PCDHA8: variants seen among roughly 807,000 people sequenced by gnomAD.
The protein encoded by PCDHA8 is protocadherin alpha-8.
In PCDHA8, 53 loss-of-function variants were observed where a neutral mutation model predicts 61.8. The observed-to-expected ratio is 0.86, with a 90% confidence interval of 0.69 to 1.08. The LOEUF is 1.08. Ranked by LOEUF, PCDHA8 falls within the 50% of genes least tolerant of loss-of-function variation. The pLI is 0.00. For missense variants in PCDHA8, 1,293 were observed against 1,245.0 expected (o/e 1.04, Z -0.58); for synonymous variants, 618 against 556.6 (o/e 1.11, Z -1.55).
At chr5:140,891,937 C>G (rs1168665111) in intron 1 of PCDHA8, among the ~76,000 whole-genome samples, 3 of 152,166 alleles carry the variant, frequency 2.0e-5, no homozygotes, top group Admixed American at 2.0e-4. Context: ...CTTGGACTTC[C>G]CCTAGGCTCC....
chr5:140,980,490 C>T (rs185528514), intron 2 of PCDHA8, among the ~76,000 whole-genome samples: 39 of 152,096 alleles, frequency 2.6e-4, no homozygotes, highest in Admixed American at 4.6e-4. Context: ...ATTAGCTGGG[C>T]GTGATGGCAT....
At chr5:140,952,325 T>G in intron 1 of PCDHA8, among the ~76,000 whole-genome samples, 1 of 133,382 alleles carries the variant, frequency 7.5e-6, no homozygotes, top group Non-Finnish European at 1.6e-5. Context: ...GCAACAAGAG[T>G]GAAACTCCAT....
At chr5:140,889,144 A>G (rs2062119546) in intron 1 of PCDHA8, among the ~76,000 whole-genome samples, 1 of 151,794 alleles carries the variant, frequency 6.6e-6, no homozygotes, top group African/African-American at 2.4e-5. Flanking sequence ...TTTTCTTCCT[A>G]ATTTCTTCTT....
chr5:140,872,802 A>T (rs533671542), intron 1 of PCDHA8, among the ~76,000 whole-genome samples: 128 of 152,330 alleles, frequency 8.4e-4, no homozygotes, highest in Admixed American at 2.4e-3. Flanking sequence ...GCATTCTTCC[A>T]TAAGTTTTTC....
chr5:140,978,703 G>C (rs556167285), intron 1 of PCDHA8, among the ~76,000 whole-genome samples: 1 of 152,328 alleles, frequency 6.6e-6, no homozygotes, highest in East Asian at 1.9e-4. Context: ...AGCCAAAGGT[G>C]GCCTTTACAA....
chr5:140,987,012 G>A (rs2097222470), intron 3 of PCDHA8, among the ~76,000 whole-genome samples: 1 of 151,994 alleles, frequency 6.6e-6, no homozygotes. Context: ...TCATGAGTTC[G>A]AGACCAGCCT....
intron 3 of PCDHA8, among the ~76,000 whole-genome samples, chr5:140,983,513 CTG>C (rs1165213074): frequency 6.6e-6 from 1 of 152,196 alleles, no homozygotes; most frequent in Non-Finnish European, 1.5e-5. Context: ...TGCCTAGACA[CTG>C]TGCCAAGTAC....
intron 1 of PCDHA8, chr5:140,929,773 G>A (rs554286771): frequency 5.8e-6 from 1 of 173,032 alleles, no homozygotes; most frequent in East Asian, 1.8e-4. Context: ...AACCACAAAA[G>A]ATGTAAAAAT....
At chr5:140,962,455 A>G (rs571453201) in intron 1 of PCDHA8, among the ~76,000 whole-genome samples, 4 of 152,246 alleles carry the variant, frequency 2.6e-5, no homozygotes, top group Non-Finnish European at 4.4e-5. Flanking sequence ...TGAATCTCTT[A>G]TGGCTTGAAT....
chr5:140,945,962 G>A (rs1049789327), intron 1 of PCDHA8, among the ~76,000 whole-genome samples: 1 of 152,002 alleles, frequency 6.6e-6, no homozygotes, highest in Non-Finnish European at 1.5e-5. Context: ...GAAAGCACAG[G>A]CAATAAAAGC....
intron 1 of PCDHA8, chr5:140,850,098 G>A: frequency 6.3e-7 from 1 of 1,596,440 alleles, no homozygotes; most frequent in South Asian, 1.1e-5. Context: ...ACAGTTCCAG[G>A]TGAGCGCGCG....
chr5:140,877,014 C>A lies in PCDHA8; in HGVS notation c.2394+33299C>A, dbSNP rs559122507. On this transcript the variant is annotated intron_variant, in intron 1 of 3. Coordinates refer to ENST00000531613, the MANE Select transcript of PCDHA8 (RefSeq NM_018911.3). ...GCTACGTGTCGGTGCACGCGGAGAG[C>A]GGCAAGGTGTACGCGCTGCAGCCGC... is the stretch of plus-strand genomic sequence containing the variant. 5 of 1,612,440 alleles carry A rather than the reference C, an allele frequency of 3.1e-6. No homozygotes were observed. In the African/African-American group the frequency reaches 4.0e-5, roughly 13 times the overall value.
chr5:140,999,854 C>T (rs1459226420), intron 3 of PCDHA8, among the ~76,000 whole-genome samples: 4 of 152,112 alleles, frequency 2.6e-5, no homozygotes, highest in Admixed American at 1.3e-4. Context: ...TTATCTCTTC[C>T]GCTCCAAGAT....
intron 1 of PCDHA8, chr5:140,857,288 C>A (rs782208845): frequency 2.5e-6 from 4 of 1,598,652 alleles, no homozygotes; most frequent in East Asian, 4.5e-5. Context: ...CGCTCTGGAC[C>A]GCGAGAGGGT....
chr5:140,948,142 T>G (rs1194720907), intron 1 of PCDHA8, among the ~76,000 whole-genome samples: 1 of 151,674 alleles, frequency 6.6e-6, no homozygotes, highest in Admixed American at 6.6e-5. Flanking sequence ...CTAATTGATT[T>G]TTGAATGTTG....
Position 141,010,515 on chromosome 5 carries a change from CAA to C in PCDHA8, c.*579_*580del, listed in dbSNP as rs1554262971. ...ACCAGACTTTCTAAATCTTACAACTCAAGAGGTGGCAGCCACCCTCTAGGAGA... is the reference window on the plus strand; with the variant it reads ...ACCAGACTTTCTAAATCTTACAACTCGAGGTGGCAGCCACCCTCTAGGAGA... On this transcript the variant is annotated 3_prime_UTR_variant, in exon 4 of 4. Transcript: ENST00000531613. 4.1e-6 allele frequency: 2 copies of C among 483,800 alleles called. No individual in the cohort carries two copies. Among genetic ancestry groups the C allele is most frequent in the African/African-American group, 2.0e-5 (1 of 51,026 alleles). 30.0% of individuals were successfully genotyped at this position (483,800 alleles called of 1,614,324 possible).
chr5:140,880,810 T>C (rs552209492), intron 1 of PCDHA8, among the ~76,000 whole-genome samples: 90 of 152,330 alleles, frequency 5.9e-4, no homozygotes, highest in Non-Finnish European at 1.1e-3. Flanking sequence ...TGAATGACTC[T>C]AGAGTGTCTG....
At chr5:140,850,158 G>T (rs1189332521) in intron 1 of PCDHA8, 3 of 1,595,230 alleles carry the variant, frequency 1.9e-6, no homozygotes, top group African/African-American at 2.7e-5. Flanking sequence ...GCAGGTGTTC[G>T]TGCTGGACGA....
intron 3 of PCDHA8, among the ~76,000 whole-genome samples, chr5:141,007,284 C>T (rs2098312696): frequency 6.6e-6 from 1 of 151,430 alleles, no homozygotes; most frequent in Admixed American, 6.6e-5. Context: ...GTGCAGTGGG[C>T]TCATGCCTGT....
Sources: allele counts gnomAD v4.1 joint callset (sites outside exome capture counted in the v4.1 genomes callset), GRCh38; gene constraint gnomAD v4.1.1; transcripts MANE v1.5; gene names NCBI Gene and HGNC (gene_info 2026-07-23, HGNC 2026-07-21).